ENPP6: variants seen among roughly 807,000 people sequenced by gnomAD.
ENPP6 encodes glycerophosphocholine cholinephosphodiesterase ENPP6.
Under a neutral mutation model 42.0 loss-of-function variants are expected in ENPP6, and 32 were observed. That is an observed-to-expected ratio of 0.76 (90% CI 0.58 to 1.02). The LOEUF (loss-of-function observed/expected upper bound fraction) is 1.02. Among genes scored for constraint, ENPP6 ranks in the 50% least tolerant of loss-of-function variants. The pLI, the probability that ENPP6 is intolerant of heterozygous loss-of-function variation, is 0.00. For missense variants in ENPP6, 552 were observed against 566.8 expected (o/e 0.97, Z 0.27); for synonymous variants, 213 against 216.0 (o/e 0.99, Z 0.12).
chr4:184,103,535 C>G (rs1736040466), intron 6 of ENPP6, among the ~76,000 whole-genome samples: 1 of 152,224 alleles, frequency 6.6e-6, no homozygotes. Context: ...CAACAATGTT[C>G]AAGTCATGGG....
At chr4:184,175,021 A>C (rs917997205) in intron 1 of ENPP6, among the ~76,000 whole-genome samples, 33 of 152,230 alleles carry the variant, frequency 2.2e-4, no homozygotes, top group Non-Finnish European at 2.8e-4. Context: ...ATTCCTAACA[A>C]GGCGCTGGGC....
chr4:184,116,594 A>G (rs1048133043), intron 5 of ENPP6, among the ~76,000 whole-genome samples: 1 of 152,058 alleles, frequency 6.6e-6, no homozygotes, highest in African/African-American at 2.4e-5. Flanking sequence ...TTAGCCGGGC[A>G]TGGTGGCGCA....
At chr4:184,156,685 T>C (rs1737164602) in intron 1 of ENPP6, among the ~76,000 whole-genome samples, 1 of 152,232 alleles carries the variant, frequency 6.6e-6, no homozygotes, top group Admixed American at 6.5e-5. Context: ...AAATGACTAC[T>C]CTGGGGGCTT....
At chr4:184,117,411 C>T (rs564520519) in intron 4 of ENPP6, among the ~76,000 whole-genome samples, 1 of 152,206 alleles carries the variant, frequency 6.6e-6, no homozygotes, top group Non-Finnish European at 1.5e-5. Context: ...CAAAACTGAA[C>T]ACTTGTAGTC....
chr4:184,141,392 A>C (rs941385216), intron 2 of ENPP6, among the ~76,000 whole-genome samples: 7 of 152,204 alleles, frequency 4.6e-5, no homozygotes, highest in African/African-American at 1.7e-4. Context: ...ATGACTGAGG[A>C]AAGCAGGGCT....
intron 1 of ENPP6, among the ~76,000 whole-genome samples, chr4:184,187,243 G>T (rs1273126983): frequency 6.6e-6 from 1 of 152,228 alleles, no homozygotes; most frequent in Admixed American, 6.5e-5. Context: ...AGAGGAAAAG[G>T]CCTGCACCAG....
intron 1 of ENPP6, among the ~76,000 whole-genome samples, chr4:184,171,366 G>C (rs1454101513): frequency 6.6e-6 from 1 of 152,244 alleles, no homozygotes; most frequent in African/African-American, 2.4e-5. Context: ...GCTTGGCATT[G>C]ATTGTGACCC....
intron 4 of ENPP6, 57 bp from the exon 5 acceptor site, chr4:184,117,092 G>A (rs1736333177): frequency 1.3e-6 from 2 of 1,588,056 alleles, no homozygotes; most frequent in Non-Finnish European, 1.7e-6. Flanking sequence ...CGTGCACTCA[G>A]AAAACCTTGT....
chr4:184,124,241 G>A lies in ENPP6; in HGVS notation c.453C>T (p.Pro151=), dbSNP rs911937446. The part of the protein sequence containing the change: ...GCEVEILGVR[P]TYCLEYKNVP... ...CATTTTTATATTCTAGGCAGTAGGT[G>A]GGTCTGACACCCAGAATCTCAACCT... The change falls in exon 3 of 8, where the codon CCC becomes CCT. Residue 151 remains proline (P), a synonymous_variant. Transcript: ENST00000296741. 3 of 1,613,838 alleles carry A rather than the reference G, an allele frequency of 1.9e-6. No homozygotes were observed. Among genetic ancestry groups the A allele is most frequent in the African/African-American group, 2.7e-5 (2 of 74,918 alleles).
chr4:184,099,519 T>C (rs1409316780), intron 6 of ENPP6, among the ~76,000 whole-genome samples: 1 of 152,168 alleles, frequency 6.6e-6, no homozygotes, highest in African/African-American at 2.4e-5. Context: ...CAGATGCCCC[T>C]GGCCATGGGG....
rs1306897003 is a variant in ENPP6 at position 184,206,432 on chromosome 4, AT to A, written c.241+11146del. ...GCCACCAGGCCCGGCTAATTTTTGT[AT>A]TTTTAGTAGAGACGGGGTTTCACCG... On this transcript the variant is annotated intron_variant, in intron 1 of 7. Coordinates refer to ENST00000296741, the MANE Select transcript of ENPP6 (RefSeq NM_153343.4). Among the ~76,000 whole-genome samples the A allele has an allele frequency of 4.8e-5, 6 of 125,238 alleles. 1 individual carries two copies. Among genetic ancestry groups the A allele is most frequent in the Admixed American group, 2.5e-4 (3 of 11,856 alleles). The allele number at this position is 125,238 out of a possible 152,430, so 82.2% of individuals were successfully genotyped here.
intron 1 of ENPP6, among the ~76,000 whole-genome samples, chr4:184,165,231 G>A (rs142031501): frequency 1.3e-5 from 2 of 152,302 alleles, no homozygotes; most frequent in African/African-American, 4.8e-5. Flanking sequence ...CAACTCCTTT[G>A]TATCTGGAAC....
At chr4:184,129,267 T>C (rs1225263789) in intron 2 of ENPP6, among the ~76,000 whole-genome samples, 1 of 87,012 alleles carries the variant, frequency 1.1e-5, no homozygotes, top group Non-Finnish European at 2.4e-5. Context: ...TGCACTGACG[T>C]AGTACACAAA....
At chr4:184,141,384 G>A (rs139423661) in intron 2 of ENPP6, among the ~76,000 whole-genome samples, 141 of 152,336 alleles carry the variant, frequency 9.3e-4, no homozygotes, top group African/African-American at 3.2e-3. Context: ...CCCCCAACAT[G>A]ACTGAGGAAA....
chr4:184,163,027 T>A (rs1263330412), intron 1 of ENPP6, among the ~76,000 whole-genome samples: 1 of 152,086 alleles, frequency 6.6e-6, no homozygotes, highest in Non-Finnish European at 1.5e-5. Context: ...CTGCTGAGGC[T>A]CAAGGCAGGC....
intron 2 of ENPP6, among the ~76,000 whole-genome samples, chr4:184,152,152 G>A (rs1443695595): frequency 6.6e-6 from 1 of 152,194 alleles, no homozygotes; most frequent in East Asian, 1.9e-4. Flanking sequence ...TGAGGCCACT[G>A]CTCTGCAGCA....
intron 3 of ENPP6, among the ~76,000 whole-genome samples, chr4:184,122,485 C>T (rs941178355): frequency 1.8e-4 from 26 of 146,700 alleles, no homozygotes; most frequent in African/African-American, 5.7e-4. Context: ...AGATGCATTT[C>T]TATAGCTTCT....
At chr4:184,145,510 C>T (rs535517080) in intron 2 of ENPP6, among the ~76,000 whole-genome samples, 2 of 152,334 alleles carry the variant, frequency 1.3e-5, no homozygotes, top group South Asian at 2.1e-4. Context: ...CCGCTGCACG[C>T]GTTGTGCTGT....
intron 2 of ENPP6, among the ~76,000 whole-genome samples, chr4:184,146,321 C>T (rs1312534907): frequency 1.3e-5 from 2 of 151,636 alleles, no homozygotes; most frequent in Non-Finnish European, 2.9e-5. Flanking sequence ...ATCCCAGCTA[C>T]TCGGGAGGCT....
Sources: gnomAD v4.1 joint callset for allele counts (sites outside exome capture counted in the v4.1 genomes callset) on GRCh38, gnomAD v4.1.1 for gene constraint, MANE v1.5 for transcripts, NCBI Gene and HGNC (gene_info 2026-07-23, HGNC 2026-07-21) for gene names.